CACNA2D1: variants seen among roughly 807,000 people sequenced by gnomAD.
CACNA2D1 encodes voltage-dependent calcium channel subunit alpha-2/delta-1.
CACNA2D1 carries 53 observed loss-of-function variants against 171.5 expected under a neutral mutation model. That is an observed-to-expected ratio of 0.31 (90% CI 0.25 to 0.39). CACNA2D1 has a LOEUF of 0.39. CACNA2D1 is among the 10% of genes least tolerant of loss of function. The pLI is 1.00. For synonymous variants in CACNA2D1, 442 were observed against 443.1 expected, an observed-to-expected ratio of 1.00 and a Z score of 0.03; for missense variants, 903 against 1,299.8, an observed-to-expected ratio of 0.69 and a Z score of 4.69.
chr7:82,419,086 G>A (rs1047694167), intron 1 of CACNA2D1, among the ~76,000 whole-genome samples: 61 of 151,376 alleles, frequency 4.0e-4, no homozygotes, highest in Non-Finnish European at 4.1e-4. Context: ...CTCCAACCAG[G>A]GTGACAGAGC....
chr7:82,273,355 T>C (rs1390508508), intron 3 of CACNA2D1, among the ~76,000 whole-genome samples: 1 of 151,890 alleles, frequency 6.6e-6, no homozygotes. Flanking sequence ...ATTTGTGGTA[T>C]TAAAAACTGG....
At chr7:81,983,885 A>G (rs1381233388) in intron 22 of CACNA2D1, among the ~76,000 whole-genome samples, 3 of 152,176 alleles carry the variant, frequency 2.0e-5, no homozygotes, top group African/African-American at 7.2e-5. Flanking sequence ...TATTTTTGGT[A>G]TTCTTTTGTA....
In CACNA2D1 at chr7:81,950,288, G is replaced by T. The variant is rs768405533; in HGVS notation, c.*104C>A. ...ATGCCATGGAACAGGCCCAGCTAAT[G>T]TTTGTCTGATTTTATAGCTGACCCT... On this transcript the variant is annotated 3_prime_UTR_variant, in exon 39 of 39. Coordinates refer to ENST00000356860, the MANE Select transcript of CACNA2D1 (RefSeq NM_000722.4). The T allele has an allele frequency of 1.9e-6, 3 of 1,605,296 alleles. No individual in the cohort carries two copies. Among genetic ancestry groups the T allele is most frequent in the Non-Finnish European group, 2.6e-6 (3 of 1,174,340 alleles).
chr7:82,200,241 G>A (rs1339850025), intron 3 of CACNA2D1, among the ~76,000 whole-genome samples: 2 of 151,846 alleles, frequency 1.3e-5, no homozygotes, highest in African/African-American at 4.8e-5. Context: ...AAAAAGCAAG[G>A]TTATCCAACA....
chr7:82,262,138 TG>T (rs759119669), intron 3 of CACNA2D1, among the ~76,000 whole-genome samples: 27 of 152,322 alleles, frequency 1.8e-4, no homozygotes, highest in Non-Finnish European at 2.6e-4. Flanking sequence ...GAGACCATCC[TG>T]GCTAACACGG....
At chr7:82,269,612 T>C (rs1808355596) in intron 3 of CACNA2D1, among the ~76,000 whole-genome samples, 1 of 152,164 alleles carries the variant, frequency 6.6e-6, no homozygotes, top group Non-Finnish European at 1.5e-5. Context: ...TTGACAATTT[T>C]CCCCACTGCA....
chr7:82,379,798 T>C (rs1823485906), intron 1 of CACNA2D1, among the ~76,000 whole-genome samples: 2 of 152,190 alleles, frequency 1.3e-5, no homozygotes, highest in African/African-American at 4.8e-5. Flanking sequence ...TTCTATGAAA[T>C]CTATGGGAAT....
At chr7:82,239,334 T>C (rs1803977184) in intron 3 of CACNA2D1, among the ~76,000 whole-genome samples, 2 of 151,942 alleles carry the variant, frequency 1.3e-5, no homozygotes, top group South Asian at 4.2e-4. Flanking sequence ...ATCAAGCCTC[T>C]ATGAAGGCAC....
intron 4 of CACNA2D1, among the ~76,000 whole-genome samples, chr7:82,158,475 T>TA (rs10589102): frequency 2.0e-5 from 3 of 150,870 alleles, no homozygotes; most frequent in Non-Finnish European, 4.4e-5. Flanking sequence ...GAAACCAAGT[T>TA]AAAAAAAAAA....
Position 82,073,405 on chromosome 7 carries a change from C to T in CACNA2D1, c.659-6881G>A, listed in dbSNP as rs77891066. Among the ~76,000 whole-genome samples the T allele has an allele frequency of 1.0e-3, 152 of 152,220 alleles. 1 individual carries two copies. The East Asian group carries it at 0.026, about 26-fold the overall frequency. ...CAGAACTGTGTTAGGTGATACGAGG[C>T]ATACAAATATGTAATTAACTATTTC... On this transcript the variant is annotated intron_variant, in intron 7 of 38. Coordinates refer to ENST00000356860, the MANE Select transcript of CACNA2D1 (RefSeq NM_000722.4).
At chr7:82,019,220 T>C (rs956248204) in intron 12 of CACNA2D1, among the ~76,000 whole-genome samples, 4 of 151,956 alleles carry the variant, frequency 2.6e-5, no homozygotes, top group Non-Finnish European at 5.9e-5. Context: ...CTTGGGAAGC[T>C]GAGGCAGGAG....
chr7:82,107,532 G>C (rs1441085569), intron 6 of CACNA2D1, among the ~76,000 whole-genome samples: 3 of 151,676 alleles, frequency 2.0e-5, no homozygotes, highest in Admixed American at 6.6e-5. Flanking sequence ...AGGTAGGGAA[G>C]AGGAGTTAAC....
Position 81,971,829 on chromosome 7 carries a change from C to T in CACNA2D1, c.2089G>A (p.Ala697Thr). ...ADLINRVLLD[A>T]GFTNELVQNY... Reference sequence around the variant, plus strand: ...TGGACAAGTTCATTTGTAAAGCCTGCATCAAGCAAGACTCTATTAATCAAA... The same window carrying T: ...TGGACAAGTTCATTTGTAAAGCCTGTATCAAGCAAGACTCTATTAATCAAA... The change falls in exon 26 of 39, where the codon GCA becomes ACA. Residue 697 changes from alanine (A) to threonine (T), a missense_variant. Around this residue, in one of 5 missense-constraint regions of CACNA2D1, gnomAD observed 623 missense variants for 925.5 expected, o/e 0.67. Coordinates refer to ENST00000356860, the MANE Select transcript of CACNA2D1 (RefSeq NM_000722.4). The T allele has an allele frequency of 1.2e-6, 2 of 1,608,426 alleles. No individual in the cohort carries two copies. Among genetic ancestry groups the T allele is most frequent in the Non-Finnish European group, 8.5e-7 (1 of 1,175,668 alleles).
Position 82,103,230 on chromosome 7 carries a change from C to G in CACNA2D1, c.526+13814G>C, listed in dbSNP as rs187593717. Among the ~76,000 whole-genome samples the G allele has an allele frequency of 9.6e-4, 146 of 152,158 alleles. 1 individual carries two copies. Among genetic ancestry groups the G allele is most frequent in the African/African-American group, 3.3e-3 (139 of 41,512 alleles). ...GGCTGAGAGAAGAGAATCGCGTGAA[C>G]CAGGAGGTGGAGGTTGCAGTGAGCT... On this transcript the variant is annotated intron_variant, in intron 6 of 38. Transcript: ENST00000356860.
chr7:82,423,700 C>G (rs566565126), intron 1 of CACNA2D1, among the ~76,000 whole-genome samples: 2 of 152,274 alleles, frequency 1.3e-5, no homozygotes, highest in South Asian at 4.1e-4. Context: ...TAGAGCCTAT[C>G]ACTTTCATGT....
rs10480895 is a variant in CACNA2D1, at chr7:82,005,864, C to G, written c.1441-25G>C. 3.6e-3 allele frequency: 4,894 copies of G among 1,348,338 alleles called. 123 individuals carry two copies. In the African/African-American group the frequency reaches 0.06, roughly 17 times the overall value. 83.5% of individuals were successfully genotyped at this position (1,348,338 alleles called of 1,614,324 possible). On this transcript the variant is annotated intron_variant, in intron 16 of 38. Transcript: ENST00000356860. ...TCTATAATAAGAGGGCAAAAAATGG[C>G]ATTTTATGTCAAAAATTTACGTATT... is the stretch of plus-strand genomic sequence containing the variant.
chr7:82,146,079 A>G (rs1793002822), intron 4 of CACNA2D1, among the ~76,000 whole-genome samples: 9 of 151,836 alleles, frequency 5.9e-5, no homozygotes, highest in Admixed American at 3.9e-4. Flanking sequence ...GTTGTCCGGC[A>G]TATTAACCAA....
chr7:82,287,262 C>CTTTTT (rs60221780), intron 3 of CACNA2D1, among the ~76,000 whole-genome samples: 2 of 147,342 alleles, frequency 1.4e-5, no homozygotes, highest in Admixed American at 6.8e-5. Flanking sequence ...TCTTTTCTTT[C>CTTTTT]TTTTTTTTTT....
intron 1 of CACNA2D1, among the ~76,000 whole-genome samples, chr7:82,400,489 A>G (rs1002099612): frequency 1.3e-3 from 191 of 152,138 alleles, no homozygotes; most frequent in Non-Finnish European, 2.4e-3. Context: ...TGCTGGGAAA[A>G]CTGGCTAGCC....
Sources: allele counts gnomAD v4.1 joint callset (sites outside exome capture counted in the v4.1 genomes callset), GRCh38; gene constraint gnomAD v4.1.1; regional missense constraint gnomAD v4.1.1; transcripts MANE v1.5; gene names NCBI Gene and HGNC (gene_info 2026-07-23, HGNC 2026-07-21).